The following OSBPL10 variants were observed in gnomAD, a reference collection of about 807,000 sequenced individuals.
The protein encoded by OSBPL10 is oxysterol binding protein like 10, also known as oxysterol-binding protein-related protein 10.
OSBPL10 carries 49 observed loss-of-function variants against 81.7 expected under a neutral mutation model. That is an observed-to-expected ratio of 0.60 (90% CI 0.48 to 0.76). The LOEUF (loss-of-function observed/expected upper bound fraction) is 0.76, where lower values mean the gene tolerates loss of function less well. Among genes scored for constraint, OSBPL10 ranks in the 30% least tolerant of loss-of-function variants. OSBPL10 has a pLI of 0.00. For synonymous variants in OSBPL10, 419 were observed against 383.6 expected (o/e 1.09, Z -1.08); for missense variants, 923 against 987.8 (o/e 0.93, Z 0.88).
chr3:31,911,077 A>ATC (rs1303997106), intron 1 of OSBPL10, among the ~76,000 whole-genome samples: 1 of 152,200 alleles, frequency 6.6e-6, no homozygotes, highest in African/African-American at 2.4e-5. Flanking sequence ...GAGTACTCAG[A>ATC]TAAGTCCATC....
At chr3:31,755,031 C>T (rs943313479) in intron 4 of OSBPL10, among the ~76,000 whole-genome samples, 1 of 152,136 alleles carries the variant, frequency 6.6e-6, no homozygotes, top group Non-Finnish European at 1.5e-5. Flanking sequence ...AATCTCATTT[C>T]AGAGCCATTG....
chr3:31,990,075 T>A, intron 2 of OSBPL10: 1 of 1,613,978 alleles, frequency 6.2e-7, no homozygotes, highest in Non-Finnish European at 8.5e-7. Context: ...TTGAAAGACA[T>A]AGGAGAATTC....
chr3:31,803,583 A>C lies in OSBPL10; in HGVS notation c.729+26457T>G, dbSNP rs576901317. Among the ~76,000 whole-genome samples the C allele has an allele frequency of 7.2e-5, 11 of 152,354 alleles. No homozygotes were observed. In the East Asian group the frequency reaches 1.9e-3, roughly 27 times the overall value. On this transcript the variant is annotated intron_variant, in intron 4 of 11. Coordinates refer to ENST00000396556, the MANE Select transcript of OSBPL10 (RefSeq NM_017784.5). ...ACTTCCCCTAAGGTTAACATCTTACATAAAAGTAGTTATTCAAATGAAGAA... is the reference window on the plus strand; with the variant it reads ...ACTTCCCCTAAGGTTAACATCTTACCTAAAAGTAGTTATTCAAATGAAGAA...
chr3:31,825,611 C>A (rs1054109609), intron 4 of OSBPL10, among the ~76,000 whole-genome samples: 1 of 152,124 alleles, frequency 6.6e-6, no homozygotes, highest in Non-Finnish European at 1.5e-5. Context: ...TTCACTGCAC[C>A]CAGCCCCATA....
chr3:31,875,548 G>A (rs1575594656), intron 3 of OSBPL10, among the ~76,000 whole-genome samples: 1 of 84,328 alleles, frequency 1.2e-5, no homozygotes, highest in South Asian at 6.3e-4. Flanking sequence ...AAAAGGGGAT[G>A]TTTCTTTAAA....
At chr3:31,807,578 A>G (rs1330458621) in intron 4 of OSBPL10, among the ~76,000 whole-genome samples, 1 of 151,654 alleles carries the variant, frequency 6.6e-6, no homozygotes, top group Admixed American at 6.6e-5. Context: ...TCTACAAAAA[A>G]AAAAAAAAAA....
At chr3:32,011,588 G>A (rs1361797476) in intron 2 of OSBPL10, among the ~76,000 whole-genome samples, 2 of 152,346 alleles carry the variant, frequency 1.3e-5, no homozygotes, top group East Asian at 1.9e-4. Context: ...AAAGCTGGAC[G>A]GAGAATGACT....
chr3:31,788,085 GTTA>G (rs1373670664), intron 4 of OSBPL10, among the ~76,000 whole-genome samples: 3 of 152,046 alleles, frequency 2.0e-5, no homozygotes, highest in Non-Finnish European at 4.4e-5. Flanking sequence ...TATTGATTAG[GTTA>G]TTGTTTTTTT....
intron 2 of OSBPL10, among the ~76,000 whole-genome samples, chr3:32,005,587 T>C (rs923023971): frequency 2.0e-5 from 3 of 152,168 alleles, no homozygotes; most frequent in Middle Eastern, 3.2e-3. Context: ...TTGGGTTTTT[T>C]TTGTTGTTGC....
intron 2 of OSBPL10, among the ~76,000 whole-genome samples, chr3:32,014,755 A>G (rs2125541619): frequency 6.6e-6 from 1 of 152,372 alleles, no homozygotes; most frequent in Non-Finnish European, 1.5e-5. Flanking sequence ...AAGTCTCATG[A>G]TACAAAATCC....
At chr3:31,925,029 G>A (rs952387609) in intron 1 of OSBPL10, among the ~76,000 whole-genome samples, 3 of 152,074 alleles carry the variant, frequency 2.0e-5, no homozygotes. Context: ...ATTTCACAAA[G>A]AAACTCAGTT....
chr3:32,028,596 C>T (rs1057030062), intron 2 of OSBPL10, among the ~76,000 whole-genome samples: 2 of 152,114 alleles, frequency 1.3e-5, no homozygotes, highest in African/African-American at 4.8e-5. Flanking sequence ...ACTGATTTCT[C>T]CTCTTTTCTT....
At chr3:31,715,559 A>C (rs1696405714) in intron 6 of OSBPL10, among the ~76,000 whole-genome samples, 1 of 152,242 alleles carries the variant, frequency 6.6e-6, no homozygotes, top group African/African-American at 2.4e-5. Context: ...GGAAGAGATT[A>C]TTTTGAAAAT....
intron 3 of OSBPL10, among the ~76,000 whole-genome samples, chr3:31,838,669 A>G (rs566123417): frequency 1.4e-4 from 21 of 152,224 alleles, no homozygotes; most frequent in African/African-American, 4.6e-4. Flanking sequence ...AGGTCCAAAA[A>G]AGTCACCACA....
chr3:31,732,265 T>C (rs891267213), intron 6 of OSBPL10, among the ~76,000 whole-genome samples: 11 of 152,060 alleles, frequency 7.2e-5, no homozygotes, highest in Non-Finnish European at 8.8e-5. Context: ...GATGAAATAT[T>C]TGTAGGCAGG....
At chr3:31,907,963 A>C (rs529281493) in intron 1 of OSBPL10, among the ~76,000 whole-genome samples, 106 of 152,276 alleles carry the variant, frequency 7.0e-4, no homozygotes, top group Non-Finnish European at 1.2e-3. Flanking sequence ...GGCTGGGAAA[A>C]GGCTGCGGTG....
chr3:31,984,429 TAG>T (rs1698905168), upstream of OSBPL10, among the ~76,000 whole-genome samples: 1 of 151,904 alleles, frequency 6.6e-6, no homozygotes, highest in Admixed American at 6.6e-5. Context: ...GATGAAATTA[TAG>T]AGAGTCGAAG....
At chr3:31,992,347 G>T (rs1575080955) in intron 2 of OSBPL10, among the ~76,000 whole-genome samples, 1 of 152,094 alleles carries the variant, frequency 6.6e-6, no homozygotes, top group East Asian at 1.9e-4. Context: ...AAACATAGTG[G>T]TTATTATAAA....
At chr3:31,753,666 C>T (rs556749741) in intron 4 of OSBPL10, among the ~76,000 whole-genome samples, 8 of 152,290 alleles carry the variant, frequency 5.3e-5, no homozygotes, top group East Asian at 1.9e-4. Flanking sequence ...TGTTCATCAA[C>T]GCTTTAATAA....
Sources: gnomAD v4.1 joint callset for allele counts (sites outside exome capture counted in the v4.1 genomes callset) on GRCh38, gnomAD v4.1.1 for gene constraint, MANE v1.5 for transcripts, NCBI Gene and HGNC (gene_info 2026-07-23, HGNC 2026-07-21) for gene names.